EXOC4: variants seen among roughly 807,000 people sequenced by gnomAD.
The protein encoded by EXOC4 is exocyst complex component 4.
Under a neutral mutation model 107.2 loss-of-function variants are expected in EXOC4, and 71 were observed. That is an observed-to-expected ratio of 0.66 (90% CI 0.55 to 0.81). The LOEUF (loss-of-function observed/expected upper bound fraction) is 0.81, where lower values mean the gene tolerates loss of function less well. EXOC4 is among the 30% of genes least tolerant of loss of function. The pLI, the probability that EXOC4 is intolerant of heterozygous loss-of-function variation, is 0.00. For synonymous variants in EXOC4, 456 were observed against 441.2 expected, an observed-to-expected ratio of 1.03 and a Z score of -0.42; for missense variants, 1,108 against 1,189.6, an observed-to-expected ratio of 0.93 and a Z score of 1.01.
intron 1 of EXOC4, among the ~76,000 whole-genome samples, chr7:133,264,451 G>A (rs1793667570): frequency 6.6e-6 from 1 of 152,162 alleles, no homozygotes; most frequent in African/African-American, 2.4e-5. Context: ...TTGTCATTGT[G>A]AATTGCTATC....
chr7:133,957,347 A>G (rs1438749720), intron 14 of EXOC4, among the ~76,000 whole-genome samples: 1 of 152,232 alleles, frequency 6.6e-6, no homozygotes, highest in African/African-American at 2.4e-5. Context: ...CCTTAATGCC[A>G]TATATGCTGG....
intron 5 of EXOC4, among the ~76,000 whole-genome samples, chr7:133,332,286 T>A (rs1363990983): frequency 1.3e-5 from 2 of 152,182 alleles, no homozygotes; most frequent in Non-Finnish European, 2.9e-5. Context: ...GCTATTTTCT[T>A]GATGTGCATT....
intron 15 of EXOC4, among the ~76,000 whole-genome samples, chr7:133,997,967 T>C (rs1010337003): frequency 2.6e-5 from 4 of 152,188 alleles, no homozygotes; most frequent in African/African-American, 2.4e-5. Flanking sequence ...TTCTAACTTA[T>C]AGAGATTTTA....
At chr7:133,309,083 G>T (rs765579230) in intron 4 of EXOC4, among the ~76,000 whole-genome samples, 1 of 152,052 alleles carries the variant, frequency 6.6e-6, no homozygotes, top group African/African-American at 2.4e-5. Context: ...TGGTGCCATC[G>T]AGCCGTCCTA....
chr7:133,254,718 G>A (rs939152127), intron 1 of EXOC4, among the ~76,000 whole-genome samples: 2 of 152,068 alleles, frequency 1.3e-5, no homozygotes, highest in Admixed American at 1.3e-4. Context: ...TTTACCTGGG[G>A]GATAAAACAT....
intron 12 of EXOC4, among the ~76,000 whole-genome samples, chr7:133,911,372 A>G (rs1178670420): frequency 6.6e-6 from 1 of 152,104 alleles, no homozygotes; most frequent in Non-Finnish European, 1.5e-5. Flanking sequence ...TGAGTAAAAA[A>G]TTTTCTTTAG....
intron 7 of EXOC4, among the ~76,000 whole-genome samples, chr7:133,408,508 G>T (rs1797280683): frequency 6.6e-6 from 1 of 151,852 alleles, no homozygotes; most frequent in Non-Finnish European, 1.5e-5. Context: ...GGATGATGGA[G>T]GGATTGGTAG....
chr7:133,691,586 C>A (rs1203879661), intron 10 of EXOC4, among the ~76,000 whole-genome samples: 1 of 152,046 alleles, frequency 6.6e-6, no homozygotes, highest in Non-Finnish European at 1.5e-5. Flanking sequence ...ACAGACATGA[C>A]CTGTGTCTTC....
intron 10 of EXOC4, among the ~76,000 whole-genome samples, chr7:133,815,131 A>G (rs1375568309): frequency 2.6e-5 from 4 of 152,050 alleles, no homozygotes; most frequent in Non-Finnish European, 4.4e-5. Flanking sequence ...AACGTTAAAA[A>G]CTTTTGGGAG....
At chr7:133,895,867 C>T (rs1799295818) in intron 12 of EXOC4, 132 bp downstream of exon 12, 2 of 939,562 alleles carry the variant, frequency 2.1e-6, no homozygotes, top group Non-Finnish European at 3.2e-6. Context: ...GAACATGCAT[C>T]ATGGAAATAG....
chr7:133,324,581 G>A (rs1006036760), intron 5 of EXOC4, among the ~76,000 whole-genome samples: 4 of 152,166 alleles, frequency 2.6e-5, no homozygotes. Context: ...GAGACAGTTT[G>A]TTGTGATTTC....
At chr7:133,751,680 CT>C (rs2151138968) in intron 10 of EXOC4, among the ~76,000 whole-genome samples, 1 of 152,216 alleles carries the variant, frequency 6.6e-6, no homozygotes, top group African/African-American at 2.4e-5. Context: ...ATATATAGCT[CT>C]TTTTGTCACA....
intron 2 of EXOC4, among the ~76,000 whole-genome samples, chr7:133,280,648 A>G (rs1346815654): frequency 6.6e-6 from 1 of 152,222 alleles, no homozygotes; most frequent in Non-Finnish European, 1.5e-5. Flanking sequence ...ATAATGAGAA[A>G]TAAGGGTACA....
intron 15 of EXOC4, among the ~76,000 whole-genome samples, chr7:134,000,470 G>A (rs1173306112): frequency 6.6e-6 from 1 of 152,090 alleles, no homozygotes; most frequent in Non-Finnish European, 1.5e-5. Context: ...TGTATATAAG[G>A]TGCTCAGTAA....
chr7:133,472,765 G>C (rs907763040), intron 7 of EXOC4, among the ~76,000 whole-genome samples: 2 of 152,160 alleles, frequency 1.3e-5, no homozygotes, highest in Non-Finnish European at 2.9e-5. Context: ...GGAAAAGTGT[G>C]TGTTTGCAGA....
the EXOC4 span, among the ~76,000 whole-genome samples, chr7:134,077,127 A>T: frequency 6.6e-6 from 1 of 152,112 alleles, no homozygotes. Context: ...CCAGGTCTGG[A>T]GGCCTGAAAA....
chr7:133,714,213 G>A (rs892775273), intron 10 of EXOC4, among the ~76,000 whole-genome samples: 4 of 152,196 alleles, frequency 2.6e-5, no homozygotes, highest in African/African-American at 9.6e-5. Context: ...CAAGAGCCAA[G>A]GGAGTGACAG....
At chr7:133,592,632 C>T (rs1477405538) in intron 9 of EXOC4, among the ~76,000 whole-genome samples, 1 of 151,958 alleles carries the variant, frequency 6.6e-6, no homozygotes, top group Non-Finnish European at 1.5e-5. Context: ...GACGTGGAGT[C>T]TCACTCTGTC....
chr7:134,040,662 G>T (rs1445202462), intron 17 of EXOC4, among the ~76,000 whole-genome samples: 1 of 152,204 alleles, frequency 6.6e-6, no homozygotes, highest in Admixed American at 6.5e-5. Context: ...GGGGAAAGCA[G>T]GTAGTGATAA....
Sources: allele counts gnomAD v4.1 joint callset (sites outside exome capture counted in the v4.1 genomes callset), GRCh38; gene constraint gnomAD v4.1.1; transcripts MANE v1.5; gene names NCBI Gene and HGNC (gene_info 2026-07-23, HGNC 2026-07-21).